The following CUBN variants were observed in gnomAD, a reference collection of about 807,000 sequenced individuals.
CUBN encodes the protein cubilin, also known as 460 kDa receptor.
Under a neutral mutation model 405.3 loss-of-function variants are expected in CUBN, and 282 were observed. The ratio of observed to expected loss-of-function variants is 0.70; its 90% CI spans 0.63 to 0.77. The LOEUF (loss-of-function observed/expected upper bound fraction) is 0.77. Among genes scored for constraint, CUBN ranks in the 30% least tolerant of loss-of-function variants. The pLI, the probability that CUBN is intolerant of heterozygous loss-of-function variation, is 0.00. For synonymous variants in CUBN, 1,684 were observed against 1,617.0 expected, an observed-to-expected ratio of 1.04 and a Z score of -0.99; for missense variants, 4,514 against 4,475.2, an observed-to-expected ratio of 1.01 and a Z score of -0.25.
chr10:17,020,001 C>G lies in CUBN; in HGVS notation c.4018-18G>C. 3 of 1,613,968 alleles carry G rather than the reference C, an allele frequency of 1.9e-6. No homozygotes were observed. The highest frequency in any genetic ancestry group is 2.5e-6 in the Non-Finnish European group (3 of 1,179,854). ...TCATAGAGCTGAAATTGAAGAGAAACTTTCCCATATAAAAACACATGGTTT... is the reference window on the plus strand; with the variant it reads ...TCATAGAGCTGAAATTGAAGAGAAAGTTTCCCATATAAAAACACATGGTTT... On this transcript the variant is annotated intron_variant, in intron 27 of 66. Transcript: ENST00000377833.
chr10:16,978,281 T>C (rs1164544051), intron 31 of CUBN, among the ~76,000 whole-genome samples: 1 of 152,130 alleles, frequency 6.6e-6, no homozygotes, highest in Non-Finnish European at 1.5e-5. Flanking sequence ...CAGGAAAAAA[T>C]GGTCCCAAAG....
intron 31 of CUBN, among the ~76,000 whole-genome samples, chr10:16,967,035 T>G (rs192063929): frequency 5.3e-5 from 8 of 152,272 alleles, no homozygotes; most frequent in African/African-American, 1.2e-4. Context: ...CTCAGGAAAT[T>G]ATACAAGCTG....
chr10:16,847,748 G>T (rs149089896), intron 60 of CUBN, among the ~76,000 whole-genome samples: 1 of 152,222 alleles, frequency 6.6e-6, no homozygotes, highest in South Asian at 2.1e-4. Flanking sequence ...TTCAGTTACC[G>T]TAATTACTCT....
chr10:17,116,460 T>G (rs1395381734), intron 6 of CUBN, among the ~76,000 whole-genome samples: 1 of 152,168 alleles, frequency 6.6e-6, no homozygotes, highest in Non-Finnish European at 1.5e-5. Flanking sequence ...GCCCAGAGGT[T>G]GCCGATTGCC....
chr10:16,839,704 T>G (rs1416939872), intron 62 of CUBN, among the ~76,000 whole-genome samples: 2 of 142,760 alleles, frequency 1.4e-5, no homozygotes, highest in African/African-American at 4.9e-5. Flanking sequence ...GATCCAGCCA[T>G]CCCATTACTG....
At chr10:17,129,051 C>G in intron 2 of CUBN, 70 bp downstream of exon 2, 1 of 1,247,062 alleles carries the variant, frequency 8.0e-7, no homozygotes, top group Non-Finnish European at 1.2e-6. Context: ...ACAGATTAAT[C>G]TAGACTTGTT....
chr10:17,083,389 C>G (rs1836015249), intron 17 of CUBN, among the ~76,000 whole-genome samples: 1 of 152,088 alleles, frequency 6.6e-6, no homozygotes, highest in South Asian at 2.1e-4. Flanking sequence ...CCTGTAATCC[C>G]AGCTACTCAG....
chr10:17,088,899 G>A (rs1484344665), intron 14 of CUBN, among the ~76,000 whole-genome samples: 1 of 152,200 alleles, frequency 6.6e-6, no homozygotes, highest in Non-Finnish European at 1.5e-5. Context: ...GTGAGGGACT[G>A]AGCCAGGCTT....
chr10:16,825,675 T>G (rs1358894347), intron 66 of CUBN, among the ~76,000 whole-genome samples: 38 of 75,900 alleles, frequency 5.0e-4, no homozygotes, highest in African/African-American at 1.9e-3. Flanking sequence ...GTGTGTGTGT[T>G]GGGGGGATAC....
At chr10:16,946,779 G>A (rs924542628) in intron 36 of CUBN, among the ~76,000 whole-genome samples, 1 of 152,152 alleles carries the variant, frequency 6.6e-6, no homozygotes, top group African/African-American at 2.4e-5. Context: ...ACAGGCATGA[G>A]CCACTACACC....
rs1836571902 is a variant in CUBN, at chr10:17,104,467, C to A, written c.1369G>T (p.Glu457Ter). Reference sequence around the variant, plus strand: ...GCTCCAGTCCAGAGACGTGTGCATTCACAACTGAAAGAATCAACGCCATCA... The same window carrying A: ...GCTCCAGTCCAGAGACGTGTGCATTAACAACTGAAAGAATCAACGCCATCA... ...CVDGVDSFSC[E>*]CTRLWTGALC... The change falls in exon 12 of 67, where the codon GAA (glutamate) becomes TAA (stop). Residue 457 changes from glutamate to a stop codon, truncating the protein, a stop_gained. Coordinates refer to ENST00000377833, the MANE Select transcript of CUBN (RefSeq NM_001081.4). LOFTEE classifies it high-confidence loss of function. 6.2e-7 allele frequency: 1 copy of A among 1,613,908 alleles called. No individual in the cohort carries two copies. Among genetic ancestry groups the A allele is most frequent in the Admixed American group, 1.7e-5 (1 of 59,978 alleles).
chr10:17,085,570 T>C (rs1455182167), intron 16 of CUBN, 27 bp downstream of exon 16: 2 of 1,609,812 alleles, frequency 1.2e-6, no homozygotes, highest in Non-Finnish European at 1.7e-6. Flanking sequence ...AAATCCCTCT[T>C]AAGCCCCCAA....
At chr10:16,890,315 C>T (rs913335878) in intron 55 of CUBN, 56 bp downstream of exon 55, 4 of 1,593,926 alleles carry the variant, frequency 2.5e-6, no homozygotes, top group African/African-American at 1.3e-5. Context: ...CCCTGCCTGC[C>T]TGTGACAACC....
chr10:16,837,342 C>T (rs571339239), intron 62 of CUBN, among the ~76,000 whole-genome samples: 1 of 152,070 alleles, frequency 6.6e-6, no homozygotes, highest in South Asian at 2.1e-4. Context: ...CTCCACATTC[C>T]TCACTGCAGC....
At chr10:16,939,391 T>C (rs1399164263) in intron 37 of CUBN, among the ~76,000 whole-genome samples, 1 of 152,158 alleles carries the variant, frequency 6.6e-6, no homozygotes, top group Non-Finnish European at 1.5e-5. Context: ...AAAGGGGTTC[T>C]GAGCCCCTAG....
At position 16,950,133 on chromosome 10, in the gene CUBN, T is replaced by G. The variant is rs74668791; in HGVS notation, c.4970-22A>C. ...TTTACTGGAAGAAAAAAGAGAAGACTCTCTCGTAAAGTACTGGCAAATAAA... is the reference window on the plus strand; with the variant it reads ...TTTACTGGAAGAAAAAAGAGAAGACGCTCTCGTAAAGTACTGGCAAATAAA... On this transcript the variant is annotated intron_variant, in intron 33 of 66. Transcript: ENST00000377833. 0.18 allele frequency: 281,859 copies of G among 1,562,066 alleles called. 27,807 individuals are homozygous for G. Among genetic ancestry groups the G allele is most frequent in the Non-Finnish European group, 0.2 (231,307 of 1,136,002 alleles).
At chr10:17,058,792 A>G (rs1341235415) in intron 22 of CUBN, among the ~76,000 whole-genome samples, 2 of 152,162 alleles carry the variant, frequency 1.3e-5, no homozygotes, top group African/African-American at 4.8e-5. Context: ...GATTTTCAAC[A>G]AAGCACAAAT....
intron 13 of CUBN, among the ~76,000 whole-genome samples, chr10:17,102,607 T>TTA (rs1352765302): frequency 3.6e-5 from 5 of 139,910 alleles, no homozygotes; most frequent in South Asian, 2.3e-4. Context: ...TTTTTTTTTT[T>TTA]TTTTTTTTTT....
chr10:16,857,417 C>T (rs1295805813), intron 59 of CUBN, among the ~76,000 whole-genome samples: 1 of 152,084 alleles, frequency 6.6e-6, no homozygotes, highest in Admixed American at 6.6e-5. Context: ...GTATAAAGAA[C>T]TTAGGAGAAG....
Sources: gnomAD v4.1 joint callset for allele counts (sites outside exome capture counted in the v4.1 genomes callset) on GRCh38, gnomAD v4.1.1 for gene constraint, MANE v1.5 for transcripts, NCBI Gene and HGNC (gene_info 2026-07-23, HGNC 2026-07-21) for gene names.